TMEM255B: variants seen among roughly 807,000 people sequenced by gnomAD.
TMEM255B encodes the protein transmembrane protein 255B.
TMEM255B carries 35 observed loss-of-function variants against 34.5 expected under a neutral mutation model. The ratio of observed to expected loss-of-function variants is 1.01; its 90% CI spans 0.77 to 1.34. The LOEUF (loss-of-function observed/expected upper bound fraction) is 1.34, where lower values mean the gene tolerates loss of function less well. Ranked by LOEUF, TMEM255B falls within the 40% of genes most tolerant of loss-of-function variation. The pLI, the probability that TMEM255B is intolerant of heterozygous loss-of-function variation, is 0.00. For missense variants in TMEM255B, 432 were observed against 433.2 expected, an observed-to-expected ratio of 1.00 and a Z score of 0.02; for synonymous variants, 206 against 201.2, an observed-to-expected ratio of 1.02 and a Z score of -0.20.
Position 113,812,872 on chromosome 13 carries a change from GGTCCCGAGTGGGTCACA to G in TMEM255B, c.*971_*987del, listed in dbSNP as rs1435031672. ...TCACAGGCATCCCGGGTGGGTCACA[GGTCCCGAGTGGGTCACA>G]GGCCCCGGGTGAGTCACAGGCCCCG... On this transcript the variant is annotated 3_prime_UTR_variant, in exon 9 of 9. Transcript: ENST00000375353. 3.9e-5 allele frequency: 6 copies of G among 152,466 alleles called. No individual in the cohort carries two copies. The highest frequency in any genetic ancestry group is 2.2e-4 in the African/African-American group (6 of 27,658). The allele number at this position is 152,466 out of a possible 1,614,324, so 9.4% of individuals were successfully genotyped here.
At position 113,800,850 on chromosome 13, in the gene TMEM255B, C is replaced by T. The variant is rs1418775532; in HGVS notation, c.447C>T (p.Gly149=). 2.5e-6 allele frequency: 4 copies of T among 1,609,758 alleles called. No individual in the cohort carries two copies. The highest frequency in any genetic ancestry group is 1.3e-5 in the African/African-American group (1 of 74,876). The change falls in exon 6 of 9, where the codon GGC becomes GGT. Residue 149 remains glycine (G), a synonymous_variant. Transcript: ENST00000375353. ...QTEVTCHSLD[G]KCQLKVRSNT... is the part of the protein sequence containing the mutation. ...AGGTCACCTGTCACTCCCTGGACGG[C>T]AAGTGCCAGCTGAAGGTGAGAAGCA... is the stretch of plus-strand genomic sequence containing the variant.
intron 1 of TMEM255B, among the ~76,000 whole-genome samples, chr13:113,764,451 TC>T (rs927172344): frequency 6.6e-6 from 1 of 152,138 alleles, no homozygotes; most frequent in African/African-American, 2.4e-5. Flanking sequence ...CTCTGGTGTC[TC>T]AGGAGGGTGG....
chr13:113,774,733 C>T (rs111068253), intron 3 of TMEM255B, among the ~76,000 whole-genome samples: 25,957 of 123,074 alleles, frequency 0.21, 2,611 homozygotes, highest in African/African-American at 0.31. Flanking sequence ...ACTACACACA[C>T]GACACCACAC....
At chr13:113,775,568 A>G (rs2050562503) in intron 3 of TMEM255B, among the ~76,000 whole-genome samples, 1 of 152,198 alleles carries the variant, frequency 6.6e-6, no homozygotes, top group Admixed American at 6.5e-5. Flanking sequence ...CACGGCCCCG[A>G]GTAGGTCCCA....
intron 8 of TMEM255B, among the ~76,000 whole-genome samples, chr13:113,807,540 T>TG (rs1224665938): frequency 8.5e-6 from 1 of 118,150 alleles, no homozygotes; most frequent in Non-Finnish European, 1.7e-5. Flanking sequence ...TTACGGGATG[T>TG]GGGGGGTAGT....
rs188374706 is a variant in TMEM255B at position 113,799,924 on chromosome 13, C to G, written c.423+505C>G. On this transcript the variant is annotated intron_variant, in intron 5 of 8. Transcript: ENST00000375353. Reference sequence around the variant, plus strand: ...CGCTCTCTGTGTGTCTCGCACCTGCCCTGTGTGGATTCCTGGCTTTAACTA... The same window carrying G: ...CGCTCTCTGTGTGTCTCGCACCTGCGCTGTGTGGATTCCTGGCTTTAACTA... The G allele has an allele frequency of 4.0e-4, 513 of 1,277,934 alleles. 1 individual carries two copies. In the African/African-American group the frequency reaches 7.1e-3, roughly 18 times the overall value. 79.2% of individuals were successfully genotyped at this position (1,277,934 alleles called of 1,614,324 possible).
rs1351156808 is a variant in TMEM255B, at chr13:113,815,077, G to A, written c.*3174G>A. 2 of 152,146 alleles carry A rather than the reference G, an allele frequency of 1.3e-5. No individual in the cohort carries two copies. The highest frequency in any genetic ancestry group is 2.9e-5 in the Non-Finnish European group (2 of 68,112). 9.4% of individuals were successfully genotyped at this position (152,146 alleles called of 1,614,324 possible). ...CCTGGGCAGGGGTCCGTTGAGACTG[G>A]CCCCACCTTATTAGCTTGGGACCTT... On this transcript the variant is annotated 3_prime_UTR_variant, in exon 9 of 9. Transcript: ENST00000375353.
chr13:113,804,038 G>A (rs2051117326), intron 7 of TMEM255B, among the ~76,000 whole-genome samples: 1 of 119,190 alleles, frequency 8.4e-6, no homozygotes, highest in Admixed American at 8.9e-5. Context: ...TGAACCTGGG[G>A]GTGGGGGCTG....
At chr13:113,768,527 G>A (rs1440702811) in intron 2 of TMEM255B, among the ~76,000 whole-genome samples, 1 of 152,032 alleles carries the variant, frequency 6.6e-6, no homozygotes, top group Non-Finnish European at 1.5e-5. Context: ...CTCTGTGCCT[G>A]GCCCAGGTGC....
chr13:113,761,531 C>A (rs958563510), intron 1 of TMEM255B, among the ~76,000 whole-genome samples: 1 of 152,132 alleles, frequency 6.6e-6, no homozygotes, highest in Non-Finnish European at 1.5e-5. Context: ...GAAAAATCAG[C>A]GCACTTGATA....
chr13:113,766,461 G>A (rs68023809), intron 2 of TMEM255B: 116,738 of 757,406 alleles, frequency 0.15, 10,734 homozygotes, highest in African/African-American at 0.3. Context: ...CCAAGGCAGA[G>A]GGGAATTGGG....
chr13:113,811,515 GCGGGGGGCCC>G (rs2051306693), intron 8 of TMEM255B, among the ~76,000 whole-genome samples: 1 of 147,810 alleles, frequency 6.8e-6, no homozygotes, highest in Non-Finnish European at 1.5e-5. Context: ...CCCTGGGTCT[GCGGGGGGCCC>G]TGTGTGAGTG....
At chr13:113,763,315 CA>C (rs1363306366) in intron 1 of TMEM255B, among the ~76,000 whole-genome samples, 1 of 152,154 alleles carries the variant, frequency 6.6e-6, no homozygotes, top group African/African-American at 2.4e-5. Flanking sequence ...ATTTTGTGTC[CA>C]TTTTTAAAAA....
intron 3 of TMEM255B, 35 bp from the exon 4 acceptor site, chr13:113,795,113 A>G: frequency 6.2e-7 from 1 of 1,609,018 alleles, no homozygotes; most frequent in South Asian, 1.1e-5. Context: ...GGGGTTGGTA[A>G]AAGCTGGGCA....
At chr13:113,786,803 A>G (rs1388670359) in intron 3 of TMEM255B, among the ~76,000 whole-genome samples, 1 of 152,186 alleles carries the variant, frequency 6.6e-6, no homozygotes, top group East Asian at 1.9e-4. Flanking sequence ...GAGTCATCAG[A>G]AGAAACCATT....
intron 2 of TMEM255B, among the ~76,000 whole-genome samples, chr13:113,768,483 A>T (rs1476410541): frequency 1.3e-5 from 2 of 151,760 alleles, no homozygotes; most frequent in Non-Finnish European, 2.9e-5. Context: ...GCTCTGCCGG[A>T]CCCCTGGTGG....
Position 113,771,698 on chromosome 13 carries a change from GATAATA to G in TMEM255B, c.252+2550_252+2555del, listed in dbSNP as rs995771009. On this transcript the variant is annotated intron_variant, in intron 3 of 8. Transcript: ENST00000375353. Reference sequence around the variant, plus strand: ...TGTCTCAAATAATAATAATAACAATGATAATAATAATAATAATCCACTGTATGGATG... The same window carrying G: ...TGTCTCAAATAATAATAATAACAATGATAATAATAATCCACTGTATGGATG... Among the ~76,000 whole-genome samples, 10 of 151,922 alleles carry G rather than the reference GATAATA, an allele frequency of 6.6e-5. No individual in the cohort carries two copies. In the East Asian group the frequency reaches 1.4e-3, roughly 21 times the overall value.
intron 1 of TMEM255B, among the ~76,000 whole-genome samples, chr13:113,762,507 G>T (rs949226692): frequency 6.6e-6 from 1 of 152,122 alleles, no homozygotes; most frequent in Non-Finnish European, 1.5e-5. Flanking sequence ...GTAGCAGATG[G>T]GGGGGAAGTT....
intron 4 of TMEM255B, among the ~76,000 whole-genome samples, chr13:113,797,935 A>G (rs558868866): frequency 5.7e-4 from 87 of 152,360 alleles, no homozygotes; most frequent in African/African-American, 2.1e-3. Flanking sequence ...CTTCTTCACT[A>G]GTCTATAAAT....
Sources: gnomAD v4.1 joint callset for allele counts (sites outside exome capture counted in the v4.1 genomes callset) on GRCh38, gnomAD v4.1.1 for gene constraint, MANE v1.5 for transcripts, NCBI Gene and HGNC (gene_info 2026-07-23, HGNC 2026-07-21) for gene names.